The following ZNF804A variants were observed in gnomAD, a reference collection of about 807,000 sequenced individuals.
ZNF804A encodes the protein zinc finger protein 804A.
Under a neutral mutation model 16.5 loss-of-function variants are expected in ZNF804A, and 2 were observed. The ratio of observed to expected loss-of-function variants is 0.12; its 90% CI spans 0.05 to 0.38. ZNF804A has a LOEUF of 0.38. Ranked by LOEUF, ZNF804A falls within the 10% of genes least tolerant of loss-of-function variation. ZNF804A has a pLI of 0.99. For missense variants in ZNF804A, 1,473 were observed against 1,390.7 expected, an observed-to-expected ratio of 1.06 and a Z score of -0.94; for synonymous variants, 534 against 489.6, an observed-to-expected ratio of 1.09 and a Z score of -1.20.
intron 2 of ZNF804A, among the ~76,000 whole-genome samples, chr2:184,911,375 T>G (rs1175067910): frequency 2.8e-4 from 43 of 152,100 alleles, no homozygotes; most frequent in Non-Finnish European, 1.2e-4. Context: ...ACTGAAGCCC[T>G]TACAGTATCG....
intron 1 of ZNF804A, among the ~76,000 whole-genome samples, chr2:184,599,336 A>AAAT (rs1691010404): frequency 6.6e-6 from 1 of 152,108 alleles, no homozygotes; most frequent in South Asian, 2.1e-4. Flanking sequence ...TCCTTATTTG[A>AAAT]AGCAAATGTG....
chr2:184,695,479 A>AAAAAC (rs1320087069), intron 1 of ZNF804A, among the ~76,000 whole-genome samples: 2 of 151,070 alleles, frequency 1.3e-5, no homozygotes, highest in African/African-American at 4.9e-5. Context: ...AAAAAAAAAA[A>AAAAAC]AAAAAAAAAA....
At chr2:184,785,555 T>C (rs1051151087) in intron 1 of ZNF804A, among the ~76,000 whole-genome samples, 2 of 152,036 alleles carry the variant, frequency 1.3e-5, no homozygotes, top group African/African-American at 4.8e-5. Context: ...AAGTTCTATG[T>C]TAACTTTTGT....
intron 1 of ZNF804A, among the ~76,000 whole-genome samples, chr2:184,820,897 C>T (rs904115424): frequency 1.3e-5 from 2 of 152,040 alleles, no homozygotes; most frequent in Non-Finnish European, 2.9e-5. Flanking sequence ...CTACAAACCA[C>T]TGCTCAATGA....
At chr2:184,859,992 G>T (rs1052355156) in intron 1 of ZNF804A, among the ~76,000 whole-genome samples, 5 of 152,342 alleles carry the variant, frequency 3.3e-5, no homozygotes, top group Admixed American at 3.3e-4. Context: ...CCATTGGGAT[G>T]AAAATGGAGC....
At chr2:184,904,584 T>G (rs796595429) in intron 2 of ZNF804A, among the ~76,000 whole-genome samples, 2 of 152,174 alleles carry the variant, frequency 1.3e-5, no homozygotes, top group African/African-American at 4.8e-5. Context: ...AAGAAAAAAT[T>G]TATCAACTTA....
intron 1 of ZNF804A, among the ~76,000 whole-genome samples, chr2:184,749,658 C>T (rs755262964): frequency 6.6e-6 from 1 of 151,172 alleles, no homozygotes; most frequent in Non-Finnish European, 1.5e-5. Flanking sequence ...ATAAAAGTAG[C>T]TCACAATTGT....
At chr2:184,709,288 C>T (rs1340309569) in intron 1 of ZNF804A, among the ~76,000 whole-genome samples, 1 of 152,016 alleles carries the variant, frequency 6.6e-6, no homozygotes, top group African/African-American at 2.4e-5. Context: ...TTCAGATCTT[C>T]TTTTACTCTC....
Position 184,900,491 on chromosome 2 carries a change from A to G in ZNF804A, c.256-33112A>G, listed in dbSNP as rs1464318769. On this transcript the variant is annotated intron_variant, in intron 2 of 3. Coordinates refer to ENST00000302277, the MANE Select transcript of ZNF804A (RefSeq NM_194250.2). The stretch of plus-strand genomic sequence containing the variant: ...TACCTGTTATACAATTTGGCAGGGG[A>G]ATAAATATTTCAGAAACAGCTGTAA... 2.6e-5 allele frequency among the ~76,000 whole-genome samples: 4 copies of G among 152,238 alleles called. No individual in the cohort carries two copies. In the East Asian group the frequency reaches 7.7e-4, roughly 29 times the overall value.
intron 2 of ZNF804A, among the ~76,000 whole-genome samples, chr2:184,922,759 T>C (rs1430845488): frequency 1.3e-5 from 2 of 152,136 alleles, no homozygotes; most frequent in Non-Finnish European, 2.9e-5. Context: ...AATAGGAGTC[T>C]AATTTCTTTC....
In ZNF804A at chr2:184,796,334, A is replaced by C. The variant is rs554113253; in HGVS notation, c.112-70035A>C. On this transcript the variant is annotated intron_variant, in intron 1 of 3. Coordinates refer to ENST00000302277, the MANE Select transcript of ZNF804A (RefSeq NM_194250.2). ...AATGGCTGGTAGGATTCTGCTATGA[A>C]TCTGTCTGGTCCTGGAATTTTGTTG... 3.9e-5 allele frequency among the ~76,000 whole-genome samples: 6 copies of C among 152,146 alleles called. No individual in the cohort carries two copies. The East Asian group carries it at 5.8e-4, about 15-fold the overall frequency.
At chr2:184,897,493 C>T (rs1331143779) in intron 2 of ZNF804A, among the ~76,000 whole-genome samples, 2 of 151,016 alleles carry the variant, frequency 1.3e-5, no homozygotes, top group African/African-American at 2.4e-5. Context: ...TTCCATACAG[C>T]AATTTTTGGA....
chr2:184,688,404 A>T (rs1423767659), intron 1 of ZNF804A, among the ~76,000 whole-genome samples: 1 of 150,834 alleles, frequency 6.6e-6, no homozygotes, highest in Non-Finnish European at 1.5e-5. Context: ...AATACATTTT[A>T]ATATTTGGTA....
intron 1 of ZNF804A, among the ~76,000 whole-genome samples, chr2:184,747,853 T>C (rs1693814487): frequency 6.6e-6 from 1 of 151,288 alleles, no homozygotes; most frequent in South Asian, 2.1e-4. Context: ...CTATGCTCTC[T>C]TCTATATGTG....
At chr2:184,721,871 A>G (rs139989704) in intron 1 of ZNF804A, among the ~76,000 whole-genome samples, 82 of 152,246 alleles carry the variant, frequency 5.4e-4, no homozygotes, top group African/African-American at 1.9e-3. Flanking sequence ...GATAAAGGAA[A>G]TGTGATATAT....
intron 1 of ZNF804A, among the ~76,000 whole-genome samples, chr2:184,817,359 AC>A (rs1695000299): frequency 6.6e-6 from 1 of 151,994 alleles, no homozygotes; most frequent in Non-Finnish European, 1.5e-5. Flanking sequence ...GAAAGCAGCA[AC>A]AAAAACATCA....
rs903864004 is a variant in ZNF804A at position 184,936,564 on chromosome 2, G to A, written c.1168G>A (p.Val390Ile). ...GCATAACGAGGCATCCACAACTGAG[G>A]TTGAAAATAAAAATGGTCCCGAGAC... ...VKHNEASTTE[V>I]ENKNGPETLA... The change falls in exon 4 of 4, where the codon GTT becomes ATT. Residue 390 changes from valine to isoleucine, a missense_variant. Coordinates refer to ENST00000302277, the MANE Select transcript of ZNF804A (RefSeq NM_194250.2). 1.2e-6 allele frequency: 2 copies of A among 1,613,854 alleles called. No homozygotes were observed. Among genetic ancestry groups the A allele is most frequent in the African/African-American group, 2.7e-5 (2 of 74,914 alleles).
At chr2:184,758,237 A>G (rs1693987422) in intron 1 of ZNF804A, among the ~76,000 whole-genome samples, 1 of 151,958 alleles carries the variant, frequency 6.6e-6, no homozygotes, top group Admixed American at 6.6e-5. Context: ...TGACATGAGG[A>G]ATGAAAAATA....
At chr2:184,648,448 T>C (rs760605166) in intron 1 of ZNF804A, among the ~76,000 whole-genome samples, 5 of 152,072 alleles carry the variant, frequency 3.3e-5, no homozygotes, top group Non-Finnish European at 5.9e-5. Flanking sequence ...AACTTCCCAC[T>C]TAAAAGACAT....
Sources: allele counts gnomAD v4.1 joint callset (sites outside exome capture counted in the v4.1 genomes callset), GRCh38; gene constraint gnomAD v4.1.1; transcripts MANE v1.5; gene names NCBI Gene and HGNC (gene_info 2026-07-23, HGNC 2026-07-21).